The following LCT variants were observed in gnomAD, a reference collection of about 807,000 sequenced individuals.
LCT encodes lactase, also known as lactase/phlorizin hydrolase.
LCT carries 90 observed loss-of-function variants against 173.0 expected under a neutral mutation model. The ratio of observed to expected loss-of-function variants is 0.52; its 90% CI spans 0.44 to 0.62. The LOEUF (loss-of-function observed/expected upper bound fraction) is 0.62. LCT is among the 20% of genes least tolerant of loss of function. LCT has a pLI of 0.00. For missense variants in LCT, 1,864 were observed against 2,431.4 expected, an observed-to-expected ratio of 0.77 and a Z score of 4.91; for synonymous variants, 853 against 957.6, an observed-to-expected ratio of 0.89 and a Z score of 2.02.
At chr2:135,803,510 G>A (rs1665204882) in intron 11 of LCT, among the ~76,000 whole-genome samples, 1 of 152,218 alleles carries the variant, frequency 6.6e-6, no homozygotes, top group Non-Finnish European at 1.5e-5. Flanking sequence ...AAGACCATGA[G>A]CAGCCTCCTG....
At chr2:135,796,933 G>A (rs1186705318) in intron 13 of LCT, among the ~76,000 whole-genome samples, 2 of 150,568 alleles carry the variant, frequency 1.3e-5, no homozygotes, top group Non-Finnish European at 2.9e-5. Flanking sequence ...TTGTGAGGTG[G>A]GAGCTGGATT....
chr2:135,795,033 ACGCG>A (rs150578954), intron 13 of LCT, among the ~76,000 whole-genome samples: 1 of 148,430 alleles, frequency 6.7e-6, no homozygotes, highest in Non-Finnish European at 1.5e-5. Context: ...ACACGCACCC[ACGCG>A]CGCGCGCGCA....
chr2:135,818,070 T>A lies in LCT; in HGVS notation c.987-9A>T. ...TCAGAGAACAAGACATGCTGCAGGA[T>A]TGAAGGGACAAAAAGGGACATAATA... On this transcript the variant is annotated splice_polypyrimidine_tract_variant and intron_variant, in intron 5 of 16. Coordinates refer to ENST00000264162, the MANE Select transcript of LCT (RefSeq NM_002299.4). 1.2e-6 allele frequency: 2 copies of A among 1,613,074 alleles called. No individual in the cohort carries two copies. The highest frequency in any genetic ancestry group is 1.7e-6 in the Non-Finnish European group (2 of 1,180,016).
Position 135,794,748 on chromosome 2 carries a change from C to G in LCT, c.5004G>C (p.Lys1668Asn). The G allele has an allele frequency of 3.1e-6, 5 of 1,614,222 alleles. No individual in the cohort carries two copies. The highest frequency in any genetic ancestry group is 4.2e-6 in the Non-Finnish European group (5 of 1,180,030). The change falls in exon 14 of 17, where the codon AAG becomes AAC. Residue 1668 changes from lysine (K) to asparagine (N), a missense_variant. This residue lies in a region of LCT where 514 missense variants were observed against 750.1 expected (regional missense o/e 0.69). Coordinates refer to ENST00000264162, the MANE Select transcript of LCT (RefSeq NM_002299.4). ...SRLPEFTESE[K>N]RRINGTYDFF... is the part of the protein sequence containing the mutation. ...AGTCATAGGTGCCGTTGATCCTCCT[C>G]TTCTCACTCTCTGTAAATTCTGGCA...
rs765638339 is a variant in LCT at position 135,790,645 on chromosome 2, G to A, written c.5335+13C>T. 16 of 1,547,260 alleles carry A rather than the reference G, an allele frequency of 1.0e-5. No individual in the cohort carries two copies. Among genetic ancestry groups the A allele is most frequent in the South Asian group, 3.3e-5 (3 of 89,770 alleles). ...GGGAAGGTGCACGCTGGGGAAGGGC[G>A]GGCCCGTCGTACCTTTGAGGGCCTC... On this transcript the variant is annotated intron_variant, in intron 15 of 16. Coordinates refer to ENST00000264162, the MANE Select transcript of LCT (RefSeq NM_002299.4). This position sits in a 1 kb window ranked among gnomAD's most constrained non-coding sequence, Gnocchi z 4.1.
chr2:135,833,597 C>G (rs1277527967), intron 1 of LCT, among the ~76,000 whole-genome samples: 1 of 151,116 alleles, frequency 6.6e-6, no homozygotes, highest in Non-Finnish European at 1.5e-5. Context: ...CAGGGGCCCG[C>G]CACCACGCCC....
In LCT at chr2:135,805,087, G is replaced by A. The variant is rs553173069; in HGVS notation, c.4174-30C>T. On this transcript the variant is annotated intron_variant, in intron 9 of 16. Coordinates refer to ENST00000264162, the MANE Select transcript of LCT (RefSeq NM_002299.4). ...AGATGACAAGACATGGTCTTATTAA[G>A]TCATTCAGTCAAGCACTCACAGCCT... The A allele has an allele frequency of 8.1e-5, 131 of 1,608,012 alleles. 2 individuals are homozygous for A. The South Asian group carries it at 1.3e-3, about 16-fold the overall frequency.
At chr2:135,796,414 C>T (rs1323370770) in intron 13 of LCT, among the ~76,000 whole-genome samples, 1 of 152,246 alleles carries the variant, frequency 6.6e-6, no homozygotes, top group African/African-American at 2.4e-5. Context: ...CTGTGCTTGG[C>T]TTCCAGGCCC....
intron 9 of LCT, 105 bp from the exon 10 acceptor site, chr2:135,805,162 A>G (rs907364737): frequency 3.0e-5 from 34 of 1,127,820 alleles, no homozygotes; most frequent in Non-Finnish European, 4.1e-5. Flanking sequence ...CTCTTTTGTG[A>G]TAACGCTTAG....
rs2077700590 is a variant in LCT, at chr2:135,808,758, T to C, written c.3589A>G (p.Ile1197Val). The change falls in exon 8 of 17, where the codon ATC becomes GTC. Residue 1197 changes from isoleucine to valine, a missense_variant. Transcript: ENST00000264162. Reference protein sequence around the residue: ...PSFTEEEKRFIRATADVFCLN... With the variant: ...PSFTEEEKRFVRATADVFCLN... ...CAGAAGACGTCGGCCGTCGCCCTGA[T>C]GAACCTCTTCTCTTCCTCAGTGAAG... The C allele has an allele frequency of 6.2e-7, 1 of 1,614,174 alleles. No individual in the cohort carries two copies. Among genetic ancestry groups the C allele is most frequent in the Admixed American group, 1.7e-5 (1 of 60,020 alleles).
chr2:135,825,394 G>T (rs1171091124), intron 3 of LCT, among the ~76,000 whole-genome samples: 1 of 152,210 alleles, frequency 6.6e-6, no homozygotes, highest in Non-Finnish European at 1.5e-5. Context: ...CCCTCCCTGT[G>T]CTGGGTCAAT....
In LCT at chr2:135,790,587, C is replaced by CA; in HGVS notation, c.5335+70dup. On this transcript the variant is annotated intron_variant, in intron 15 of 16. Coordinates refer to ENST00000264162, the MANE Select transcript of LCT (RefSeq NM_002299.4). This position sits in a 1 kb window ranked among gnomAD's most constrained non-coding sequence, Gnocchi z 4.1. ...TTACTGTGGCCCAAGGACGCTGTAT[C>CA]ACACTCCTGCAAATAGCAGATGTTT... 1 of 984,838 alleles carries CA rather than the reference C, an allele frequency of 1.0e-6. No homozygotes were observed. The highest frequency in any genetic ancestry group is 1.3e-5 in the South Asian group (1 of 75,480). The allele number at this position is 984,838 out of a possible 1,614,324, so 61.0% of individuals were successfully genotyped here.
chr2:135,797,508 G>A lies in LCT; in HGVS notation c.4976+521C>T, dbSNP rs145589298. ...CAGCTCTATCTCTTAATAGCTGGGT[G>A]ATCTTGCCCTAATCTTTGCGCCTCA... On this transcript the variant is annotated intron_variant, in intron 13 of 16. Transcript: ENST00000264162. Among the ~76,000 whole-genome samples the A allele has an allele frequency of 2.4e-3, 364 of 152,336 alleles. 3 individuals carry two copies. The highest frequency in any genetic ancestry group is 8.1e-3 in the African/African-American group (338 of 41,564).
At position 135,809,255 on chromosome 2, in the gene LCT, C is replaced by G; in HGVS notation, c.3092G>C (p.Gly1031Ala). ...AATCAAGGCAGGATTCTCCCAGCCT[C>G]CGATATCCTGGAGGGCCTGGGGCAG... Reference protein sequence around the residue: ...WDLPQALQDIGGWENPALIDL... With the variant: ...WDLPQALQDIAGWENPALIDL... Residue 1031 changes from glycine (G) to alanine (A), a missense_variant, in exon 8 of 17, where the codon GGA becomes GCA. Coordinates refer to ENST00000264162, the MANE Select transcript of LCT (RefSeq NM_002299.4). The surrounding 1 kb of genome is among the most constrained non-coding windows in gnomAD (Gnocchi z 5.5). 1 of 1,614,230 alleles carries G rather than the reference C, an allele frequency of 6.2e-7. No homozygotes were observed. The highest frequency in any genetic ancestry group is 8.5e-7 in the Non-Finnish European group (1 of 1,180,036).
At position 135,817,838 on chromosome 2, in the gene LCT, C is replaced by T. The variant is rs767346883; in HGVS notation, c.1210G>A (p.Gly404Ser). 6.2e-7 allele frequency: 1 copy of T among 1,614,070 alleles called. No homozygotes were observed. Among genetic ancestry groups the T allele is most frequent in the South Asian group, 1.1e-5 (1 of 91,082 alleles). ...TCCCAGATGCTCACCCCTCTCCCAC[C>T]CTCGGCCCAGCCTCCTTCCACGTTA... is the stretch of plus-strand genomic sequence containing the variant. The part of the protein sequence containing the change: ...AFNVEGGWAE[G>S]GRGVSIWDPR... The change falls in exon 6 of 17, where the codon GGT (glycine) becomes AGT (serine). Residue 404 changes from glycine (G) to serine (S), a missense_variant. Gly to Ser is a moderately conservative substitution (Grantham distance 56). Coordinates refer to ENST00000264162, the MANE Select transcript of LCT (RefSeq NM_002299.4).
rs1679408998 is a variant in LCT at position 135,836,809 on chromosome 2, T to C, written c.361A>G (p.Lys121Glu). The part of the protein sequence containing the change: ...QCYRRLLKAL[K>E]TARLQPMVIL... Reference sequence around the variant, plus strand: ...ACCATGGGCTGAAGCCGTGCAGTCTTGAGGGCCTTGAGGAGTCGCCGGTAG... The same window carrying C: ...ACCATGGGCTGAAGCCGTGCAGTCTCGAGGGCCTTGAGGAGTCGCCGGTAG... Residue 121 changes from lysine (K) to glutamate (E), a missense_variant, in exon 1 of 17, where the codon AAG (lysine) becomes GAG (glutamate). Lys to Glu is a moderately conservative substitution (Grantham distance 56). Coordinates refer to ENST00000264162, the MANE Select transcript of LCT (RefSeq NM_002299.4). 2 of 1,614,170 alleles carry C rather than the reference T, an allele frequency of 1.2e-6. No homozygotes were observed. The highest frequency in any genetic ancestry group is 1.7e-6 in the Non-Finnish European group (2 of 1,180,028).
chr2:135,805,643 A>C (rs1328066718), intron 9 of LCT, among the ~76,000 whole-genome samples: 1 of 152,156 alleles, frequency 6.6e-6, no homozygotes, highest in African/African-American at 2.4e-5. Context: ...GCTTGGAAGG[A>C]TCTAGCTGGG....
chr2:135,799,020 C>G (rs1440534529), intron 12 of LCT, among the ~76,000 whole-genome samples: 1 of 152,090 alleles, frequency 6.6e-6, no homozygotes, highest in Non-Finnish European at 1.5e-5. Flanking sequence ...CGTTTCCTGA[C>G]GTTTGAAGTT....
In LCT at chr2:135,789,674, C is replaced by T. The variant is rs149800696; in HGVS notation, c.5460G>A (p.Leu1820=). 27 of 1,614,070 alleles carry T rather than the reference C, an allele frequency of 1.7e-5. No homozygotes were observed. The African/African-American group carries it at 3.3e-4, about 20-fold the overall frequency. ...LHFVNYSDPS[L]PRIPKASAKF... ...TCGCTGATGCTTTGGGGATCCTTGGCAGAGAAGGGTCACTGTAGTTCACAA... is the reference window on the plus strand; with the variant it reads ...TCGCTGATGCTTTGGGGATCCTTGGTAGAGAAGGGTCACTGTAGTTCACAA... The change falls in exon 16 of 17, where the codon CTG becomes CTA. Residue 1820 remains leucine (L), a synonymous_variant. Coordinates refer to ENST00000264162, the MANE Select transcript of LCT (RefSeq NM_002299.4).
Sources: gnomAD v4.1 joint callset for allele counts (sites outside exome capture counted in the v4.1 genomes callset) on GRCh38, gnomAD v4.1.1 for gene constraint, gnomAD v4.1.1 regional missense constraint, Gnocchi (gnomAD v3.1) non-coding constraint, MANE v1.5 for transcripts, NCBI Gene and HGNC (gene_info 2026-07-23, HGNC 2026-07-21) for gene names.